Variants in CYTIP observed in about 807,000 individuals in gnomAD.
CYTIP encodes cytohesin-interacting protein.
CYTIP carries 26 observed loss-of-function variants against 43.8 expected under a neutral mutation model. The ratio of observed to expected loss-of-function variants is 0.59; its 90% CI spans 0.44 to 0.82. The LOEUF (loss-of-function observed/expected upper bound fraction) is 0.82. CYTIP is among the 40% of genes least tolerant of loss of function. CYTIP has a pLI of 0.00. For missense variants in CYTIP, 426 were observed against 443.1 expected, an observed-to-expected ratio of 0.96 and a Z score of 0.35; for synonymous variants, 162 against 162.9, an observed-to-expected ratio of 0.99 and a Z score of 0.04.
At position 157,435,203 on chromosome 2, in the gene CYTIP, T is replaced by C. The variant is rs542902250; in HGVS notation, c.175-456A>G. 1.1e-4 allele frequency among the ~76,000 whole-genome samples: 17 copies of C among 152,264 alleles called. No homozygotes were observed. In the South Asian group the frequency reaches 2.7e-3, roughly 24 times the overall value. On this transcript the variant is annotated intron_variant, in intron 1 of 7. Transcript: ENST00000264192. Reference sequence around the variant, plus strand: ...CACTGAAATCCAAAGAAAAATAGCATACTTAGAATGGCATATGAAACCCAA... The same window carrying C: ...CACTGAAATCCAAAGAAAAATAGCACACTTAGAATGGCATATGAAACCCAA...
chr2:157,431,722 G>T (rs966543859), intron 3 of CYTIP, among the ~76,000 whole-genome samples: 1 of 152,116 alleles, frequency 6.6e-6, no homozygotes, highest in Admixed American at 6.5e-5. Flanking sequence ...AAATTATGAA[G>T]TCTAGTTCCA....
At chr2:157,430,144 A>G (rs1317880233) in intron 5 of CYTIP, among the ~76,000 whole-genome samples, 1 of 152,130 alleles carries the variant, frequency 6.6e-6, no homozygotes, top group African/African-American at 2.4e-5. Context: ...CTAGAAGAGA[A>G]AAACAGGTGG....
At chr2:157,429,623 T>G (rs772457731) in intron 5 of CYTIP, among the ~76,000 whole-genome samples, 121 of 152,310 alleles carry the variant, frequency 7.9e-4, no homozygotes, top group East Asian at 9.7e-4. Flanking sequence ...TTTTAATGAA[T>G]GAGCGAATTT....
chr2:157,442,930 A>G (rs1685940898), intron 1 of CYTIP, among the ~76,000 whole-genome samples: 1 of 152,226 alleles, frequency 6.6e-6, no homozygotes, highest in South Asian at 2.1e-4. Flanking sequence ...ATCGAAATTC[A>G]AATATGTACC....
At chr2:157,434,495 T>G in intron 2 of CYTIP, 71 bp from the exon 3 acceptor site, 14 of 1,194,928 alleles carry the variant, frequency 1.2e-5, no homozygotes, top group Non-Finnish European at 1.6e-5. Context: ...GATCTATCAT[T>G]AAAAATAACT....
intron 1 of CYTIP, among the ~76,000 whole-genome samples, chr2:157,439,801 T>A (rs1465425944): frequency 2.0e-5 from 3 of 152,234 alleles, no homozygotes. Flanking sequence ...GGGCTTATGA[T>A]CACTCTTCTG....
chr2:157,437,187 A>T (rs909681865), intron 1 of CYTIP, among the ~76,000 whole-genome samples: 1 of 152,284 alleles, frequency 6.6e-6, no homozygotes, highest in South Asian at 2.1e-4. Flanking sequence ...CCTTCAAAAA[A>T]CAGGCAACAA....
intron 1 of CYTIP, among the ~76,000 whole-genome samples, chr2:157,437,149 G>A (rs1685822606): frequency 6.6e-6 from 1 of 152,040 alleles, no homozygotes; most frequent in Non-Finnish European, 1.5e-5. Context: ...TTAGCATATT[G>A]GATTGGGAAA....
intron 1 of CYTIP, among the ~76,000 whole-genome samples, chr2:157,435,902 T>G (rs1685801665): frequency 6.6e-6 from 1 of 152,180 alleles, no homozygotes; most frequent in African/African-American, 2.4e-5. Context: ...AAATGCTTAT[T>G]AAGACATTCA....
chr2:157,432,684 C>G (rs1232267590), intron 3 of CYTIP, among the ~76,000 whole-genome samples: 1 of 152,218 alleles, frequency 6.6e-6, no homozygotes, highest in East Asian at 1.9e-4. Flanking sequence ...GATCTGGTCT[C>G]TTCCAAAGTG....
At chr2:157,436,533 C>T (rs1685809015) in intron 1 of CYTIP, among the ~76,000 whole-genome samples, 1 of 151,816 alleles carries the variant, frequency 6.6e-6, no homozygotes. Flanking sequence ...TAAGGTATTA[C>T]TCTTGCTATC....
rs1685696785 is a variant in CYTIP at position 157,430,579 on chromosome 2, T to C, written c.456A>G (p.Arg152=). 1.2e-6 allele frequency: 2 copies of C among 1,614,076 alleles called. No individual in the cohort carries two copies. Among genetic ancestry groups the C allele is most frequent in the African/African-American group, 2.7e-5 (2 of 74,938 alleles). Residue 152 remains arginine (R), a synonymous_variant, in exon 5 of 8, where the codon AGA becomes AGG. Coordinates refer to ENST00000264192, the MANE Select transcript of CYTIP (RefSeq NM_004288.5). ...GTTACGTTAGCAGGTTTCCGGACGA[T>C]CTGATCAGGTCAACGACTTGTTTGT... ...FTYKQVVDLI[R]SSGNLLTIET...
At chr2:157,431,936 C>T (rs575086972) in intron 3 of CYTIP, among the ~76,000 whole-genome samples, 40 of 152,312 alleles carry the variant, frequency 2.6e-4, no homozygotes, top group African/African-American at 7.7e-4. Flanking sequence ...CTCTAAAGGA[C>T]TTCTATCTAA....
rs1685697860 is a variant in CYTIP, at chr2:157,430,615, T to C, written c.420A>G (p.Glu140=). The change falls in exon 5 of 8, where the codon GAA becomes GAG. Residue 140 remains glutamate (E), a synonymous_variant. Transcript: ENST00000264192. ...VLANINGVST[E]GFTYKQVVDL... ...CAACGACTTGTTTGTAGGTAAAACCTTCTGTGCTCACACCATTGATATTTG... is the reference window on the plus strand; with the variant it reads ...CAACGACTTGTTTGTAGGTAAAACCCTCTGTGCTCACACCATTGATATTTG... 1 of 1,614,070 alleles carries C rather than the reference T, an allele frequency of 6.2e-7. No individual in the cohort carries two copies. The highest frequency in any genetic ancestry group is 8.5e-7 in the Non-Finnish European group (1 of 1,180,030).
At chr2:157,416,792 T>C (rs1685445419) in intron 7 of CYTIP, among the ~76,000 whole-genome samples, 1 of 152,234 alleles carries the variant, frequency 6.6e-6, no homozygotes, top group South Asian at 2.1e-4. Context: ...CCAGAAATCA[T>C]CCTTGTCCTC....
chr2:157,425,314 AAGTAAGT>A (rs1243570212), intron 6 of CYTIP, among the ~76,000 whole-genome samples: 1 of 152,182 alleles, frequency 6.6e-6, no homozygotes, highest in Non-Finnish European at 1.5e-5. Context: ...TATAGCAAGA[AAGTAAGT>A]AAACCTAGAG....
At chr2:157,431,034 T>C (rs1248420876) in intron 3 of CYTIP, 72 bp from the exon 4 acceptor site, 12 of 1,229,120 alleles carry the variant, frequency 9.8e-6, no homozygotes, top group Non-Finnish European at 1.4e-5. Context: ...TTTAAAATGA[T>C]GTCAATTATC....
intron 7 of CYTIP, among the ~76,000 whole-genome samples, chr2:157,417,593 C>A (rs181977175): frequency 2.0e-5 from 3 of 151,910 alleles, no homozygotes; most frequent in African/African-American, 7.2e-5. Flanking sequence ...GCCTCTCTAA[C>A]AAACTTCACT....
intron 1 of CYTIP, among the ~76,000 whole-genome samples, chr2:157,436,315 G>A (rs572431322): frequency 6.6e-6 from 1 of 152,160 alleles, no homozygotes; most frequent in Non-Finnish European, 1.5e-5. Context: ...ATGTTAGTGG[G>A]CTTCCTTGCA....
Sources: gnomAD v4.1 joint callset for allele counts (sites outside exome capture counted in the v4.1 genomes callset) on GRCh38, gnomAD v4.1.1 for gene constraint, MANE v1.5 for transcripts, NCBI Gene and HGNC (gene_info 2026-07-23, HGNC 2026-07-21) for gene names.